The following TMPRSS11B variants were observed in gnomAD, a reference collection of about 807,000 sequenced individuals.
The protein encoded by TMPRSS11B is transmembrane protease serine 11B.
In TMPRSS11B, 53 loss-of-function variants were observed where a neutral mutation model predicts 44.7. The observed-to-expected ratio is 1.19, with a 90% CI of 0.95 to 1.49. The LOEUF (loss-of-function observed/expected upper bound fraction) is 1.49. TMPRSS11B is among the 40% of genes most tolerant of loss of function. The probability of loss-of-function intolerance (pLI) is 0.00; values close to 1 mark genes in which losing one functional copy is unlikely to be tolerated. For synonymous variants in TMPRSS11B, 140 were observed against 159.2 expected (o/e 0.88, Z 0.91); for missense variants, 526 against 494.8 (o/e 1.06, Z -0.60).
At chr4:68,242,287 T>TAC (rs1719864082) in intron 1 of TMPRSS11B, among the ~76,000 whole-genome samples, 6 of 70,186 alleles carry the variant, frequency 8.5e-5, no homozygotes, top group African/African-American at 3.8e-4. Context: ...ATATATATTA[T>TAC]ATTATACATA....
Position 68,226,711 on chromosome 4 carries a change from A to G in TMPRSS11B, c.*1200T>C, listed in dbSNP as rs2109952197. 1 of 152,342 alleles carries G rather than the reference A, an allele frequency of 6.6e-6. No homozygotes were observed. Among genetic ancestry groups the G allele is most frequent in the Non-Finnish European group, 1.5e-5 (1 of 68,036 alleles). The allele number at this position is 152,342 out of a possible 1,614,324, so 9.4% of individuals were successfully genotyped here. A position where few individuals can be genotyped will look rare whatever the true frequency, so the allele number is the denominator to read the frequency against. ...TGCCTTTAAGTTTTTGGTGACTTTT[A>G]CATTTGGAAAATTACATAAGGTAAA... On this transcript the variant is annotated 3_prime_UTR_variant, in exon 10 of 10. Transcript: ENST00000332644.
At chr4:68,236,292 C>G (rs936251022) in intron 2 of TMPRSS11B, 26 bp from the exon 3 acceptor site, 3 of 1,450,674 alleles carry the variant, frequency 2.1e-6, no homozygotes, top group Admixed American at 3.9e-5. Context: ...AAAAAAACCT[C>G]AAAGAATTTT....
chr4:68,231,137 C>T, intron 7 of TMPRSS11B, 66 bp downstream of exon 7: 2 of 1,400,526 alleles, frequency 1.4e-6, no homozygotes, highest in Non-Finnish European at 1.9e-6. Context: ...TTAAGTTAAC[C>T]CCTACAAACT....
intron 6 of TMPRSS11B, among the ~76,000 whole-genome samples, chr4:68,231,624 G>A (rs1475149921): frequency 6.6e-6 from 1 of 152,082 alleles, no homozygotes; most frequent in East Asian, 1.9e-4. Flanking sequence ...GTGTCTATGT[G>A]TTATAACTCT....
At position 68,245,655 on chromosome 4, in the gene TMPRSS11B, A is replaced by T. The variant is rs1719981763; in HGVS notation, c.-97T>A. ...GACAATGCTGGTAATAGTGATGACA[A>T]AAGTTAGAACCTTCTGACGCAGCTT... On this transcript the variant is annotated 5_prime_UTR_variant, in exon 1 of 10. It adds an upstream start codon to the 5' untranslated region. Transcript: ENST00000332644. 4.1e-6 allele frequency: 6 copies of T among 1,468,512 alleles called. No homozygotes were observed. Among genetic ancestry groups the T allele is most frequent in the Non-Finnish European group, 5.7e-6 (6 of 1,050,372 alleles). The allele number at this position is 1,468,512 out of a possible 1,614,324, so 91.0% of individuals were successfully genotyped here. A position where few individuals can be genotyped will look rare whatever the true frequency, so the allele number is the denominator to read the frequency against.
In TMPRSS11B at chr4:68,236,079, G is replaced by T. The variant is rs1042525324; in HGVS notation, c.241-10C>A. 6.3e-7 allele frequency: 1 copy of T among 1,581,394 alleles called. No individual in the cohort carries two copies. Among genetic ancestry groups the T allele is most frequent in the Admixed American group, 1.8e-5 (1 of 56,150 alleles). On this transcript the variant is annotated splice_polypyrimidine_tract_variant and intron_variant, in intron 3 of 9. Transcript: ENST00000332644. ...GAAATGCATTTAACATCTGACAAGA[G>T]AAAAAAAACAGTCATCATGTATGTT...
chr4:68,242,250 ATAT>A (rs1483061990), intron 1 of TMPRSS11B, among the ~76,000 whole-genome samples: 1 of 78,980 alleles, frequency 1.3e-5, no homozygotes, highest in Non-Finnish European at 2.2e-5. Flanking sequence ...TATATTATAT[ATAT>A]TATAATATAT....
intron 2 of TMPRSS11B, among the ~76,000 whole-genome samples, chr4:68,238,760 A>C (rs1292499446): frequency 6.6e-6 from 1 of 151,848 alleles, no homozygotes; most frequent in Non-Finnish European, 1.5e-5. Flanking sequence ...ACAAAGAAAA[A>C]CAAACAAAAA....
intron 7 of TMPRSS11B, among the ~76,000 whole-genome samples, chr4:68,230,557 A>G (rs1719478501): frequency 6.6e-6 from 1 of 152,102 alleles, no homozygotes; most frequent in South Asian, 2.1e-4. Context: ...TAATCCCAGC[A>G]CTTTGGGAGG....
rs2109953960 is a variant in TMPRSS11B, at chr4:68,228,827, C to T, written c.1004G>A (p.Cys335Tyr). 6.2e-7 allele frequency: 1 copy of T among 1,613,728 alleles called. No homozygotes were observed. Residue 335 changes from cysteine (C) to tyrosine (Y), a missense_variant, in exon 9 of 10, where the codon TGC becomes TAC. Coordinates refer to ENST00000332644, the MANE Select transcript of TMPRSS11B (RefSeq NM_182502.3). ...GCCAGAGTATGCATATGAGGCATTG[C>T]AAATTTTGTTGTCAATAATCTTCAA... is the stretch of plus-strand genomic sequence containing the variant. ...DFLKIIDNKI[C>Y]NASYAYSGFV...
rs574609224 is a variant in TMPRSS11B at position 68,242,426 on chromosome 4, A to G, written c.9-622T>C. Among the ~76,000 whole-genome samples the G allele has an allele frequency of 5.0e-5, 6 of 120,196 alleles. No individual in the cohort carries two copies. The East Asian group carries it at 1.3e-3, about 26-fold the overall frequency. 78.9% of individuals were successfully genotyped at this position (120,196 alleles called of 152,430 possible). A position where few individuals can be genotyped will look rare whatever the true frequency, so the allele number is the denominator to read the frequency against. On this transcript the variant is annotated intron_variant, in intron 1 of 9. Transcript: ENST00000332644. ...GTATTATATTATAAATACATAATAT[A>G]ACAAGTTTTAATTATAGGTTTGATA...
chr4:68,242,266 AATATAATATT>A (rs1263605576), intron 1 of TMPRSS11B, among the ~76,000 whole-genome samples: 2 of 31,400 alleles, frequency 6.4e-5, no homozygotes, highest in African/African-American at 1.6e-4. Flanking sequence ...TAATATATAT[AATATAATATT>A]ATATATATTA....
intron 8 of TMPRSS11B, 135 bp from the exon 9 acceptor site, chr4:68,229,019 G>T: frequency 9.6e-7 from 1 of 1,038,430 alleles, no homozygotes; most frequent in Non-Finnish European, 1.4e-6. Flanking sequence ...GTCTCTTTCA[G>T]GTGTTTGTAA....
intron 1 of TMPRSS11B, among the ~76,000 whole-genome samples, chr4:68,244,946 T>C (rs1719959378): frequency 6.6e-6 from 1 of 152,110 alleles, no homozygotes; most frequent in African/African-American, 2.4e-5. Context: ...TTTAAATCAT[T>C]AGGGTGAGAA....
chr4:68,231,405 A>C (rs578255644), intron 6 of TMPRSS11B, 25 bp from the exon 7 acceptor site: 116 of 1,570,474 alleles, frequency 7.4e-5, no homozygotes, highest in Middle Eastern at 5.1e-4. Context: ...TATTTACACG[A>C]GAGCAGGTAT....
chr4:68,236,763 C>G (rs1177501063), intron 2 of TMPRSS11B, among the ~76,000 whole-genome samples: 1 of 152,010 alleles, frequency 6.6e-6, no homozygotes, highest in Non-Finnish European at 1.5e-5. Context: ...CCCAATTAAT[C>G]TTTCTAAGCA....
At chr4:68,231,403 C>A (rs759010288) in intron 6 of TMPRSS11B, 23 bp from the exon 7 acceptor site, 2 of 1,580,736 alleles carry the variant, frequency 1.3e-6, no homozygotes, top group South Asian at 1.2e-5. Context: ...TTTATTTACA[C>A]GAGAGCAGGT....
chr4:68,245,653 CA>C lies in TMPRSS11B; in HGVS notation c.-96del, dbSNP rs1403931831. 1 of 1,479,346 alleles carries C rather than the reference CA, an allele frequency of 6.8e-7. No homozygotes were observed. The highest frequency in any genetic ancestry group is 1.7e-5 in the Admixed American group (1 of 59,026). 91.6% of individuals were successfully genotyped at this position (1,479,346 alleles called of 1,614,324 possible). On this transcript the variant is annotated 5_prime_UTR_variant, in exon 1 of 10. Transcript: ENST00000332644. ...ATGACAATGCTGGTAATAGTGATGA[CA>C]AAAGTTAGAACCTTCTGACGCAGCT...
At chr4:68,239,626 T>C (rs931882513) in intron 2 of TMPRSS11B, among the ~76,000 whole-genome samples, 1 of 152,244 alleles carries the variant, frequency 6.6e-6, no homozygotes, top group Non-Finnish European at 1.5e-5. Context: ...CAGTAATCTT[T>C]ACATGGTAAA....
Sources: allele counts gnomAD v4.1 joint callset (sites outside exome capture counted in the v4.1 genomes callset), GRCh38; gene constraint gnomAD v4.1.1; transcripts MANE v1.5; gene names NCBI Gene and HGNC (gene_info 2026-07-23, HGNC 2026-07-21).